Variants in LRMDA observed in about 807,000 individuals in gnomAD.
LRMDA encodes the protein leucine-rich melanocyte differentiation-associated protein.
In LRMDA, 18 loss-of-function variants were observed where a neutral mutation model predicts 29.8. The observed-to-expected ratio is 0.60, with a 90% CI of 0.42 to 0.90. The LOEUF is 0.90. LRMDA is among the 40% of genes least tolerant of loss of function. The pLI is 0.00. For synonymous variants in LRMDA, 125 were observed against 109.4 expected (o/e 1.14, Z -0.89); for missense variants, 273 against 273.9 (o/e 1.00, Z 0.02).
chr10:76,180,082 A>T (rs1851014618), intron 5 of LRMDA, among the ~76,000 whole-genome samples: 1 of 152,066 alleles, frequency 6.6e-6, no homozygotes, highest in African/African-American at 2.4e-5. Flanking sequence ...GGCTGCTGCT[A>T]CTTATAGGAT....
At chr10:76,235,050 A>G (rs1852126655) in intron 5 of LRMDA, among the ~76,000 whole-genome samples, 1 of 152,216 alleles carries the variant, frequency 6.6e-6, no homozygotes, top group Admixed American at 6.5e-5. Context: ...TGCCTTCCTC[A>G]CTAAGCTTAA....
At chr10:75,483,133 G>C (rs1278723758) in intron 2 of LRMDA, among the ~76,000 whole-genome samples, 2 of 152,074 alleles carry the variant, frequency 1.3e-5, no homozygotes, top group East Asian at 3.9e-4. Context: ...AGTTAGTAGA[G>C]ATGGGGTTTT....
At chr10:75,835,568 T>C (rs1261105266) in intron 2 of LRMDA, among the ~76,000 whole-genome samples, 1 of 152,216 alleles carries the variant, frequency 6.6e-6, no homozygotes, top group South Asian at 2.1e-4. Flanking sequence ...TTCTCCCAAC[T>C]TTTAGAAGGT....
intron 2 of LRMDA, among the ~76,000 whole-genome samples, chr10:75,461,327 G>GT (rs1044361980): frequency 1.3e-4 from 20 of 152,076 alleles, no homozygotes; most frequent in African/African-American, 3.4e-4. Context: ...AAAGATAAGG[G>GT]TTTTTTTTCC....
chr10:75,809,158 C>T (rs142885519), intron 2 of LRMDA, among the ~76,000 whole-genome samples: 20 of 152,324 alleles, frequency 1.3e-4, no homozygotes, highest in African/African-American at 4.6e-4. Flanking sequence ...CTGAGTGTGT[C>T]CTGTCAGTAG....
chr10:75,591,109 G>C (rs1314435324), intron 2 of LRMDA, among the ~76,000 whole-genome samples: 1 of 152,090 alleles, frequency 6.6e-6, no homozygotes, highest in Non-Finnish European at 1.5e-5. Context: ...GGGCATGGTG[G>C]CTCATGCCTA....
At chr10:76,022,305 A>G (rs933038361) in intron 2 of LRMDA, among the ~76,000 whole-genome samples, 2 of 152,066 alleles carry the variant, frequency 1.3e-5, no homozygotes, top group African/African-American at 4.8e-5. Flanking sequence ...ACCTGCTCTA[A>G]CCCCACATTT....
intron 2 of LRMDA, among the ~76,000 whole-genome samples, chr10:75,726,402 C>A (rs568277553): frequency 6.6e-6 from 1 of 152,174 alleles, no homozygotes; most frequent in African/African-American, 2.4e-5. Context: ...TACTTAGCAT[C>A]CATAGGTGAG....
intron 6 of LRMDA, among the ~76,000 whole-genome samples, chr10:76,431,843 G>T (rs1039611055): frequency 6.6e-6 from 1 of 152,162 alleles, no homozygotes; most frequent in Non-Finnish European, 1.5e-5. Flanking sequence ...ACATGATAGC[G>T]AATAAGTTTC....
At chr10:76,252,587 T>C (rs932820719) in intron 5 of LRMDA, among the ~76,000 whole-genome samples, 2 of 152,228 alleles carry the variant, frequency 1.3e-5, no homozygotes, top group Non-Finnish European at 2.9e-5. Context: ...CTTTTGGACT[T>C]GGTCAGAGGC....
intron 4 of LRMDA, among the ~76,000 whole-genome samples, chr10:76,053,605 T>C (rs1008107482): frequency 6.6e-6 from 1 of 152,086 alleles, no homozygotes; most frequent in African/African-American, 2.4e-5. Flanking sequence ...CCCAGGACCA[T>C]GAAAGGACAG....
chr10:75,646,130 A>C (rs1198177987), intron 2 of LRMDA, among the ~76,000 whole-genome samples: 7 of 151,488 alleles, frequency 4.6e-5, no homozygotes, highest in Non-Finnish European at 5.9e-5. Context: ...TAAATAAATA[A>C]ATTTTAAAAT....
intron 2 of LRMDA, among the ~76,000 whole-genome samples, chr10:75,841,558 C>T (rs1844541313): frequency 6.6e-6 from 1 of 152,164 alleles, no homozygotes; most frequent in Admixed American, 6.5e-5. Flanking sequence ...GGTTTGTCTT[C>T]CCACTTGATA....
chr10:75,839,122 G>A (rs1476547246), intron 2 of LRMDA, among the ~76,000 whole-genome samples: 1 of 152,226 alleles, frequency 6.6e-6, no homozygotes, highest in East Asian at 1.9e-4. Flanking sequence ...ATTTGTTAAA[G>A]TGTAGCAGAA....
intron 3 of LRMDA, among the ~76,000 whole-genome samples, chr10:76,036,487 T>C (rs960913455): frequency 6.6e-6 from 1 of 152,346 alleles, no homozygotes; most frequent in Admixed American, 6.5e-5. Flanking sequence ...CCAGTCTGTT[T>C]GCTTGGGCTT....
intron 2 of LRMDA, among the ~76,000 whole-genome samples, chr10:75,888,145 C>G (rs1249229458): frequency 1.3e-5 from 2 of 152,168 alleles, no homozygotes; most frequent in Admixed American, 1.3e-4. Flanking sequence ...AGCCAAGAGG[C>G]TCCTGAAGAA....
intron 6 of LRMDA, among the ~76,000 whole-genome samples, chr10:76,475,533 T>A (rs769005564): frequency 1.3e-5 from 2 of 151,970 alleles, no homozygotes; most frequent in Non-Finnish European, 2.9e-5. Context: ...TGAATTCAGC[T>A]CTGCACCAAG....
At chr10:76,006,602 A>T (rs537713833) in intron 2 of LRMDA, among the ~76,000 whole-genome samples, 5 of 152,228 alleles carry the variant, frequency 3.3e-5, no homozygotes, top group Non-Finnish European at 5.9e-5. Context: ...TCTAGGGGAA[A>T]AAAATCTTTA....
intron 2 of LRMDA, among the ~76,000 whole-genome samples, chr10:75,980,188 G>A (rs1589275335): frequency 6.6e-6 from 1 of 152,222 alleles, no homozygotes; most frequent in East Asian, 1.9e-4. Context: ...TAGCCTTGTG[G>A]GTCTGTCCTA....
Sources: gnomAD v4.1 joint callset for allele counts (sites outside exome capture counted in the v4.1 genomes callset) on GRCh38, gnomAD v4.1.1 for gene constraint, MANE v1.5 for transcripts, NCBI Gene and HGNC (gene_info 2026-07-23, HGNC 2026-07-21) for gene names.